The following PIEZO1 variants were observed in gnomAD, a reference collection of about 807,000 sequenced individuals.
The protein encoded by PIEZO1 is piezo-type mechanosensitive ion channel component 1.
PIEZO1 carries 296 observed loss-of-function variants against 297.2 expected under a neutral mutation model. The ratio of observed to expected loss-of-function variants is 1.00; its 90% confidence interval spans 0.91 to 1.10. The LOEUF (loss-of-function observed/expected upper bound fraction) is 1.10. Among genes scored for constraint, PIEZO1 ranks in the 50% least tolerant of loss-of-function variants. The pLI is 0.00. For synonymous variants in PIEZO1, 2,427 were observed against 1,507.5 expected, an observed-to-expected ratio of 1.61 and a Z score of -14.13; for missense variants, 5,018 against 3,455.5, an observed-to-expected ratio of 1.45 and a Z score of -11.34.
At position 88,723,866 on chromosome 16, in the gene PIEZO1, C is replaced by G. The variant is rs1168467054; in HGVS notation, c.4335+5G>C. ...AGTGGGGCCGACGGGGCTCTCCCAC[C>G]TCACCTGGAAGGCACTCTGTGCCGA... On this transcript the variant is annotated splice_donor_5th_base_variant and intron_variant, in intron 31 of 50. Coordinates refer to ENST00000301015, the MANE Select transcript of PIEZO1 (RefSeq NM_001142864.4). The G allele has an allele frequency of 4.0e-6, 6 of 1,491,922 alleles. No homozygotes were observed. The highest frequency in any genetic ancestry group is 2.8e-5 in the African/African-American group (2 of 72,002). The allele number at this position is 1,491,922 out of a possible 1,614,324, so 92.4% of individuals were successfully genotyped here.
intron 1 of PIEZO1, among the ~76,000 whole-genome samples, chr16:88,776,900 C>T (rs1455142646): frequency 6.6e-6 from 1 of 152,334 alleles, no homozygotes; most frequent in Non-Finnish European, 1.5e-5. Context: ...GGCAGGAGAT[C>T]TGGGCCCGGC....
chr16:88,749,056 T>C (rs139650625), intron 2 of PIEZO1, among the ~76,000 whole-genome samples: 1,570 of 148,278 alleles, frequency 0.011, 23 homozygotes, highest in African/African-American at 0.035. Context: ...GCTATCACGG[T>C]GAAACCCCGT....
rs1489547154 is a variant in PIEZO1, at chr16:88,737,746, C to T, written c.1089G>A (p.Gln363=). ...LELAELDQWP[Q]ERESDQHVVP... is the part of the protein sequence containing the mutation. Reference sequence around the variant, plus strand: ...TGCTCACCTGGTCAGACTCCCGTTCCTGGGGCCACTGGTCCAGCTCTGCTA... The same window carrying T: ...TGCTCACCTGGTCAGACTCCCGTTCTTGGGGCCACTGGTCCAGCTCTGCTA... The change falls in exon 9 of 51, where the codon CAG becomes CAA. Residue 363 remains glutamine (Q), a synonymous_variant. Transcript: ENST00000301015. 6 of 1,535,622 alleles carry T rather than the reference C, an allele frequency of 3.9e-6. No homozygotes were observed. The African/African-American group carries it at 6.8e-5, about 18-fold the overall frequency.
chr16:88,737,645 TGCTGTGGGCAAGCA>T lies in PIEZO1; in HGVS notation c.1108-13_1108del. The T allele has an allele frequency of 6.5e-7, 1 of 1,534,704 alleles. No individual in the cohort carries two copies. Reference sequence around the variant, plus strand: ...GGTGTCGGGTGCTGTGGGCACCACGTGCTGTGGGCAAGCAGCGCTGAGCCATGCACGGGCTGGCC... The same window carrying T: ...GGTGTCGGGTGCTGTGGGCACCACGTGCGCTGAGCCATGCACGGGCTGGCC... On this transcript the variant is annotated splice_acceptor_variant and splice_polypyrimidine_tract_variant and coding_sequence_variant and intron_variant, in exon 10 of 51. Transcript: ENST00000301015. LOFTEE classifies it high-confidence loss of function.
rs1324763171 is a variant in PIEZO1 at position 88,741,485 on chromosome 16, C to T, written c.458G>A (p.Arg153Gln). The change falls in exon 5 of 51, where the codon CGG becomes CAG. Residue 153 changes from arginine (R) to glutamine (Q), a missense_variant. Transcript: ENST00000301015. ...ARNTRQSPHP[R>Q]ELDDDERDVD... Reference sequence around the variant, plus strand: ...TGACGCAGCTGCCCTCACCAGCTCCCGTGGATGTGGGCTCTGCCGGGTGTT... The same window carrying T: ...TGACGCAGCTGCCCTCACCAGCTCCTGTGGATGTGGGCTCTGCCGGGTGTT... The T allele has an allele frequency of 4.3e-5, 66 of 1,534,962 alleles. 1 individual carries two copies. The highest frequency in any genetic ancestry group is 1.2e-4 in the African/African-American group (9 of 73,138).
chr16:88,742,256 A>T, intron 3 of PIEZO1, 44 bp downstream of exon 3: 1 of 1,517,574 alleles, frequency 6.6e-7, no homozygotes, highest in Non-Finnish European at 8.8e-7. Context: ...CCTCTCCCTG[A>T]CCCCCAGGAT....
intron 10 of PIEZO1, 35 bp from the exon 11 acceptor site, chr16:88,736,774 T>C (rs1306481608): frequency 2.0e-5 from 27 of 1,360,466 alleles, no homozygotes; most frequent in Middle Eastern, 1.9e-4. Context: ...TTCGGCAGGT[T>C]GATCTGCAGG....
chr16:88,757,321 G>T (rs1445073917), intron 1 of PIEZO1, among the ~76,000 whole-genome samples: 1 of 122,582 alleles, frequency 8.2e-6, no homozygotes. Flanking sequence ...GTTGCTGGCG[G>T]GGGGGTGGGG....
Position 88,727,127 on chromosome 16 carries a change from C to T in PIEZO1, c.3367G>A (p.Glu1123Lys). The change falls in exon 24 of 51, where the codon GAG becomes AAG. Residue 1123 changes from glutamate to lysine, a missense_variant. Coordinates refer to ENST00000301015, the MANE Select transcript of PIEZO1 (RefSeq NM_001142864.4). ...TTGACGCCAGCCATGCGCTGCCACT[C>T]CTCTGTGCGCTCAGCTGAGAACACC... ...WQVFSAERTEEWQRMAGVNTD... is the reference protein window; with the variant it reads ...WQVFSAERTEKWQRMAGVNTD... 6.5e-7 allele frequency: 1 copy of T among 1,549,966 alleles called. No homozygotes were observed. Among genetic ancestry groups the T allele is most frequent in the Non-Finnish European group, 8.7e-7 (1 of 1,146,724 alleles).
At chr16:88,741,246 G>A (rs558095898) in intron 5 of PIEZO1, 22 of 479,752 alleles carry the variant, frequency 4.6e-5, no homozygotes, top group Middle Eastern at 5.5e-4. Flanking sequence ...ATGCCATGTC[G>A]GGGCGTGGAG....
intron 1 of PIEZO1, among the ~76,000 whole-genome samples, chr16:88,773,423 G>T (rs1907516329): frequency 6.6e-6 from 1 of 152,268 alleles, no homozygotes; most frequent in Non-Finnish European, 1.5e-5. Context: ...GGGTCGGCAG[G>T]AAGCCAGGCG....
rs1211870410 is a variant in PIEZO1, at chr16:88,717,095, C to A, written c.6588G>T (p.Leu2196=). 6 of 1,551,158 alleles carry A rather than the reference C, an allele frequency of 3.9e-6. No individual in the cohort carries two copies. Among genetic ancestry groups the A allele is most frequent in the Non-Finnish European group, 5.2e-6 (6 of 1,147,158 alleles). The change falls in exon 45 of 51, where the codon CTG becomes CTT. Residue 2196 remains leucine, a synonymous_variant. Coordinates refer to ENST00000301015, the MANE Select transcript of PIEZO1 (RefSeq NM_001142864.4). ...TGACAACCCCAACCACGGAGCGCAC[C>A]AGCGACATGAAGAGCAGTGGGAACC... is the stretch of plus-strand genomic sequence containing the variant. ...IIWFPLLFMS[L]VRSVVGVVNQ...
In PIEZO1 at chr16:88,738,727, C is replaced by G; in HGVS notation, c.475G>C (p.Glu159Gln). 1 of 1,529,962 alleles carries G rather than the reference C, an allele frequency of 6.5e-7. No homozygotes were observed. Among genetic ancestry groups the G allele is most frequent in the Non-Finnish European group, 8.8e-7 (1 of 1,142,128 alleles). 94.8% of individuals were successfully genotyped at this position (1,529,962 alleles called of 1,614,324 possible). A position where few individuals can be genotyped will look rare whatever the true frequency, so the allele number is the denominator to read the frequency against. Reference sequence around the variant, plus strand: ...GTCGGGCTGGCATCCACATCCCTCTCATCATCATCCTGCCAAGGTCACGGA... The same window carrying G: ...GTCGGGCTGGCATCCACATCCCTCTGATCATCATCCTGCCAAGGTCACGGA... Reference protein sequence around the residue: ...SPHPRELDDDERDVDASPTAG... With the variant: ...SPHPRELDDDQRDVDASPTAG... Residue 159 changes from glutamate (E) to glutamine (Q), a missense_variant, in exon 6 of 51, where the codon GAG becomes CAG. Transcript: ENST00000301015.
chr16:88,772,226 A>G (rs762646573), intron 1 of PIEZO1, among the ~76,000 whole-genome samples: 5 of 152,246 alleles, frequency 3.3e-5, no homozygotes, highest in Admixed American at 6.5e-5. Flanking sequence ...ACCTGTGTCC[A>G]GCGCTGAAGT....
In PIEZO1 at chr16:88,732,697, C is replaced by G. The variant is rs1311021464; in HGVS notation, c.2700G>C (p.Glu900Asp). 1.3e-6 allele frequency: 2 copies of G among 1,549,054 alleles called. No individual in the cohort carries two copies. The highest frequency in any genetic ancestry group is 1.7e-6 in the Non-Finnish European group (2 of 1,146,246). Residue 900 changes from glutamate (E) to aspartate (D), a missense_variant, in exon 20 of 51, where the codon GAG becomes GAC. Physicochemically the swap from Glu to Asp is conservative, Grantham distance 45. Transcript: ENST00000301015. ...CCCGGTACAGCAGGGACTGGCTGATCTCCGTGGGCAGCAAGTTGGTGCTGT... is the reference window on the plus strand; with the variant it reads ...CCCGGTACAGCAGGGACTGGCTGATGTCCGTGGGCAGCAAGTTGGTGCTGT... ...FPNSTNLLPT[E>D]ISQSLLYRGP...
chr16:88,727,894 G>C (rs1013355932), intron 22 of PIEZO1: 3 of 357,372 alleles, frequency 8.4e-6, no homozygotes, highest in African/African-American at 6.3e-5. Context: ...CAGGAGGCCA[G>C]AGAGCACGGG....
intron 33 of PIEZO1, 25 bp from the exon 34 acceptor site, chr16:88,723,034 T>C (rs1237219190): frequency 2.6e-6 from 4 of 1,543,374 alleles, no homozygotes; most frequent in African/African-American, 1.4e-5. Flanking sequence ...GAGGGGGCGC[T>C]GGAGGGGCAG....
chr16:88,741,486 G>C lies in PIEZO1; in HGVS notation c.457C>G (p.Arg153Gly). Residue 153 changes from arginine to glycine, a missense_variant, in exon 5 of 51, where the codon CGG becomes GGG. Coordinates refer to ENST00000301015, the MANE Select transcript of PIEZO1 (RefSeq NM_001142864.4). ...ARNTRQSPHP[R>G]ELDDDERDVD... ...GACGCAGCTGCCCTCACCAGCTCCC[G>C]TGGATGTGGGCTCTGCCGGGTGTTC... 4.6e-6 allele frequency: 7 copies of C among 1,535,046 alleles called. No individual in the cohort carries two copies. Among genetic ancestry groups the C allele is most frequent in the Non-Finnish European group, 5.2e-6 (6 of 1,146,414 alleles).
At chr16:88,747,988 C>T (rs1034518431) in intron 2 of PIEZO1, among the ~76,000 whole-genome samples, 5 of 152,204 alleles carry the variant, frequency 3.3e-5, no homozygotes, top group East Asian at 1.9e-4. Context: ...GTGGACACCT[C>T]GTAGCCATGG....
Sources: allele counts gnomAD v4.1 joint callset (sites outside exome capture counted in the v4.1 genomes callset), GRCh38; gene constraint gnomAD v4.1.1; transcripts MANE v1.5; gene names NCBI Gene and HGNC (gene_info 2026-07-23, HGNC 2026-07-21).